Variants in PSMG3 observed in about 807,000 individuals in gnomAD.
PSMG3 encodes proteasome assembly chaperone 3.
A neutral mutation model predicts 7.9 loss-of-function variants in PSMG3; 4 were observed. That is an observed-to-expected ratio of 0.51 (90% CI 0.25 to 1.16). PSMG3 has a LOEUF of 1.16. Ranked by LOEUF, PSMG3 falls within the 50% of genes most tolerant of loss-of-function variation. The pLI is 0.15. For synonymous variants in PSMG3, 81 were observed against 69.8 expected (o/e 1.16, Z -0.80); for missense variants, 151 against 157.4 (o/e 0.96, Z 0.22).
intron 1 of PSMG3, among the ~76,000 whole-genome samples, chr7:1,568,519 G>A (rs1005916999): frequency 2.6e-5 from 4 of 151,718 alleles, no homozygotes; most frequent in South Asian, 2.1e-4. Flanking sequence ...AGGCTGGAGC[G>A]CAGTGGCACA....
chr7:1,569,293 A>G lies in PSMG3; in HGVS notation c.47T>C (p.Val16Ala). The part of the protein sequence containing the change: ...LVISKQKTEV[V>A]CGVPTQVVCT... ...CACCACCTGGGTGGGGACCCCGCAC[A>G]CCACCTCCGTCTTCTGCTTCGATAT... The change falls in exon 1 of 2, where the codon GTG (valine) becomes GCG (alanine). Residue 16 changes from valine (V) to alanine (A), a missense_variant. Physicochemically the swap from Val to Ala is moderately conservative, Grantham distance 64. Transcript: ENST00000288607. 1 of 1,612,464 alleles carries G rather than the reference A, an allele frequency of 6.2e-7. No homozygotes were observed. Among genetic ancestry groups the G allele is most frequent in the Non-Finnish European group, 8.5e-7 (1 of 1,179,716 alleles).
In PSMG3 at chr7:1,569,536, G is replaced by T; in HGVS notation, c.-197C>A. ...TCATCCCGGCACTTTGGGAGGCCGAGACAGGACGATCGTTGAGGCCAGGAA... is the reference window on the plus strand; with the variant it reads ...TCATCCCGGCACTTTGGGAGGCCGATACAGGACGATCGTTGAGGCCAGGAA... On this transcript the variant is annotated 5_prime_UTR_variant, in exon 1 of 2. Transcript: ENST00000288607. 1 of 476,268 alleles carries T rather than the reference G, an allele frequency of 2.1e-6. No homozygotes were observed. Among genetic ancestry groups the T allele is most frequent in the Non-Finnish European group, 3.7e-6 (1 of 266,830 alleles). 29.5% of individuals were successfully genotyped at this position (476,268 alleles called of 1,614,324 possible).
rs970656657 is a variant in PSMG3, at chr7:1,569,171, C to T, written c.169G>A (p.Val57Ile). 6 of 1,613,440 alleles carry T rather than the reference C, an allele frequency of 3.7e-6. No individual in the cohort carries two copies. The highest frequency in any genetic ancestry group is 1.1e-5 in the South Asian group (1 of 91,094). ...SLEPSSVASD[V>I]SKPVLTTKVL... ...TTTGTGGTGAGCACAGGCTTGCTGA[C>T]GTCACTGGCCACGCTGCTGGGCTCC... The change falls in exon 1 of 2, where the codon GTC becomes ATC. Residue 57 changes from valine (V) to isoleucine (I), a missense_variant. By Grantham distance (29) the Val-to-Ile change is conservative. Transcript: ENST00000288607.
intron 1 of PSMG3, among the ~76,000 whole-genome samples, 178 bp from the exon 2 acceptor site, chr7:1,568,028 G>C (rs534558009): frequency 6.6e-6 from 1 of 151,970 alleles, no homozygotes; most frequent in Non-Finnish European, 1.5e-5. Flanking sequence ...CTCCAGTCAC[G>C]GGCACACTGC....
chr7:1,569,217 C>A lies in PSMG3; in HGVS notation c.123G>T (p.Lys41Asn). Residue 41 changes from lysine to asparagine, a missense_variant, in exon 1 of 2, where the codon AAG becomes AAT. Lys to Asn is a moderately conservative substitution (Grantham distance 94). Transcript: ENST00000288607. Reference protein sequence around the residue: ...HILVVVTQFGKMGTLVSLEPS... With the variant: ...HILVVVTQFGNMGTLVSLEPS... ...GCTCCAGGGAGACCAGGGTGCCCAT[C>A]TTCCCAAACTGGGTCACCACCACCA... The A allele has an allele frequency of 6.2e-7, 1 of 1,613,746 alleles. No homozygotes were observed.
rs753072413 is a variant in PSMG3 at position 1,569,142 on chromosome 7, G to A, written c.198C>T (p.Val66=). 6.2e-7 allele frequency: 1 copy of A among 1,613,498 alleles called. No homozygotes were observed. Among genetic ancestry groups the A allele is most frequent in the South Asian group, 1.1e-5 (1 of 91,088 alleles). ...DVSKPVLTTK[V]LLGQDEPLIH... ...ACTTTACCTCATCCTGCCCCAGAAGGACTTTTGTGGTGAGCACAGGCTTGC... is the reference window on the plus strand; with the variant it reads ...ACTTTACCTCATCCTGCCCCAGAAGAACTTTTGTGGTGAGCACAGGCTTGC... Residue 66 remains valine, a synonymous_variant, in exon 1 of 2, where the codon GTC becomes GTT. Coordinates refer to ENST00000288607, the MANE Select transcript of PSMG3 (RefSeq NM_032302.4).
chr7:1,569,755 A>G lies in PSMG3; in HGVS notation c.-416T>C, dbSNP rs1583241418. ...ATTACAACCCGGGCGGTAGAGCGAG[A>G]CCCTGTCCGTAAAAAAATAAAACAG... On this transcript the variant is annotated 5_prime_UTR_variant, in exon 1 of 2. Coordinates refer to ENST00000288607, the MANE Select transcript of PSMG3 (RefSeq NM_032302.4). 1 of 160,950 alleles carries G rather than the reference A, an allele frequency of 6.2e-6. No homozygotes were observed. The highest frequency in any genetic ancestry group is 1.8e-4 in the East Asian group (1 of 5,482). The allele number at this position is 160,950 out of a possible 1,614,324, so 10.0% of individuals were successfully genotyped here.
At position 1,568,348 on chromosome 7, in the gene PSMG3, T is replaced by C. The variant is rs547639385; in HGVS notation, c.217-498A>G. ...AGACCCACAAATGCCCGGAAAATGCTATCGCTGTAGGGGTATTTGTCCGCC... is the reference window on the plus strand; with the variant it reads ...AGACCCACAAATGCCCGGAAAATGCCATCGCTGTAGGGGTATTTGTCCGCC... On this transcript the variant is annotated intron_variant, in intron 1 of 1. Transcript: ENST00000288607. Among the ~76,000 whole-genome samples, 10 of 152,178 alleles carry C rather than the reference T, an allele frequency of 6.6e-5. 1 individual carries two copies. The highest frequency in any genetic ancestry group is 3.4e-3 in the Middle Eastern group (1 of 294).
At position 1,569,326 on chromosome 7, in the gene PSMG3, G is replaced by A. The variant is rs773508284; in HGVS notation, c.14C>T (p.Pro5Leu). 3 of 1,607,328 alleles carry A rather than the reference G, an allele frequency of 1.9e-6. No individual in the cohort carries two copies. Among genetic ancestry groups the A allele is most frequent in the Non-Finnish European group, 8.5e-7 (1 of 1,177,140 alleles). The change falls in exon 1 of 2, where the codon CCG becomes CTG. Residue 5 changes from proline to leucine, a missense_variant. Coordinates refer to ENST00000288607, the MANE Select transcript of PSMG3 (RefSeq NM_032302.4). ...CGTCTTCTGCTTCGATATCACCAAC[G>A]GCGTGTCTTCCATGGCGGGGCTCTG... The part of the protein sequence containing the change: MEDT[P>L]LVISKQKTEV...
chr7:1,567,518 A>C lies in PSMG3; in HGVS notation c.*180T>G, dbSNP rs949836163. ...ACCTGTTCCACCCTCCCCGTCATGC[A>C]CAGATGATCTTAGTAACCAGAGTAA... On this transcript the variant is annotated 3_prime_UTR_variant, in exon 2 of 2. Transcript: ENST00000288607. The C allele has an allele frequency of 8.7e-6, 5 of 577,308 alleles. No individual in the cohort carries two copies. The Admixed American group carries it at 1.7e-4, about 19-fold the overall frequency. 35.8% of individuals were successfully genotyped at this position (577,308 alleles called of 1,614,324 possible).
Position 1,569,163 on chromosome 7 carries a change from C to G in PSMG3, c.177G>C (p.Lys59Asn). 1 of 1,613,596 alleles carries G rather than the reference C, an allele frequency of 6.2e-7. No individual in the cohort carries two copies. The highest frequency in any genetic ancestry group is 8.5e-7 in the Non-Finnish European group (1 of 1,180,044). ...EPSSVASDVS[K>N]PVLTTKVLLG... ...GAAGGACTTTTGTGGTGAGCACAGG[C>G]TTGCTGACGTCACTGGCCACGCTGC... The change falls in exon 1 of 2, where the codon AAG becomes AAC. Residue 59 changes from lysine to asparagine, a missense_variant. Lys to Asn is a moderately conservative substitution (Grantham distance 94). Transcript: ENST00000288607.
At position 1,568,996 on chromosome 7, in the gene PSMG3, T is replaced by TTG. The variant is rs1583239985; in HGVS notation, c.216+126_216+127dup. On this transcript the variant is annotated intron_variant, in intron 1 of 1. Transcript: ENST00000288607. ...TAGGCACTTGTTTTTTTGTAGTGAC[T>TTG]TGTGTGTGTGTTGTTGTGTTGCCCA... The TTG allele has an allele frequency of 8.3e-6, 6 of 723,686 alleles. No individual in the cohort carries two copies. In the East Asian group the frequency reaches 1.2e-4, roughly 15 times the overall value. The allele number at this position is 723,686 out of a possible 1,614,324, so 44.8% of individuals were successfully genotyped here. A position where few individuals can be genotyped will look rare whatever the true frequency, so the allele number is the denominator to read the frequency against.
At position 1,567,475 on chromosome 7, in the gene PSMG3, A is replaced by C; in HGVS notation, c.*223T>G. 2.2e-6 allele frequency: 1 copy of C among 448,418 alleles called. No homozygotes were observed. The highest frequency in any genetic ancestry group is 2.0e-5 in the African/African-American group (1 of 49,414). 27.8% of individuals were successfully genotyped at this position (448,418 alleles called of 1,614,324 possible). ...AACGATTCAGGTCCTGGTGAGAACC[A>C]TTCACGACTCCTCCGGGACCTGTTC... On this transcript the variant is annotated 3_prime_UTR_variant, in exon 2 of 2. Transcript: ENST00000288607.
In PSMG3 at chr7:1,569,092, G is replaced by A. The variant is rs187593750; in HGVS notation, c.216+32C>T. On this transcript the variant is annotated intron_variant, in intron 1 of 1. Coordinates refer to ENST00000288607, the MANE Select transcript of PSMG3 (RefSeq NM_032302.4). ...CTCTGAAAGTGCTAGGGTTACAGGC[G>A]TGAGCCACAGTTCCCGGCCAATCCA... The A allele has an allele frequency of 7.0e-5, 112 of 1,594,874 alleles. No homozygotes were observed. The African/African-American group carries it at 9.9e-4, about 14-fold the overall frequency.
At chr7:1,568,894 C>T (rs1045681576) in intron 1 of PSMG3, among the ~76,000 whole-genome samples, 1 of 152,142 alleles carries the variant, frequency 6.6e-6, no homozygotes, top group African/African-American at 2.4e-5. Context: ...GTGATCTGCC[C>T]GCCTCAGCCT....
intron 1 of PSMG3, among the ~76,000 whole-genome samples, chr7:1,568,649 C>A (rs915904557): frequency 4.0e-5 from 6 of 150,828 alleles, no homozygotes; most frequent in African/African-American, 1.5e-4. Flanking sequence ...GTTTCCTTTT[C>A]TTTTCCTTTT....
chr7:1,567,953 A>C (rs1583238746), intron 1 of PSMG3, 103 bp from the exon 2 acceptor site: 1 of 1,029,246 alleles, frequency 9.7e-7, no homozygotes. Context: ...GGCTTCCCAC[A>C]CCACCATTAA....
chr7:1,568,339 G>A (rs77908570), intron 1 of PSMG3, among the ~76,000 whole-genome samples: 2,095 of 152,038 alleles, frequency 0.014, 47 homozygotes, highest in African/African-American at 0.048. Flanking sequence ...ACAAATGCCC[G>A]GAAAATGCTA....
Position 1,568,743 on chromosome 7 carries a change from G to A in PSMG3, c.216+381C>T, listed in dbSNP as rs1778820085. ...GCTCACTGCAACCTCCGCCTCTCGG[G>A]TTCAAGCGATTCTTCTGCCTCAGCC... On this transcript the variant is annotated intron_variant, in intron 1 of 1. Transcript: ENST00000288607. Among the ~76,000 whole-genome samples the A allele has an allele frequency of 2.6e-5, 4 of 152,090 alleles. No homozygotes were observed. The South Asian group carries it at 8.3e-4, about 32-fold the overall frequency.
Sources: gnomAD v4.1 joint callset for allele counts (sites outside exome capture counted in the v4.1 genomes callset) on GRCh38, gnomAD v4.1.1 for gene constraint, MANE v1.5 for transcripts, NCBI Gene and HGNC (gene_info 2026-07-23, HGNC 2026-07-21) for gene names.